The following PLXDC2 variants were observed in gnomAD, a reference collection of about 807,000 sequenced individuals.
PLXDC2 encodes plexin domain containing 2.
PLXDC2 carries 40 observed loss-of-function variants against 68.9 expected under a neutral mutation model. The observed-to-expected ratio is 0.58, with a 90% confidence interval of 0.45 to 0.76. The LOEUF (loss-of-function observed/expected upper bound fraction) is 0.76, where lower values mean the gene tolerates loss of function less well. Ranked by LOEUF, PLXDC2 falls within the 30% of genes least tolerant of loss-of-function variation. PLXDC2 has a pLI of 0.00. For missense variants in PLXDC2, 644 were observed against 661.9 expected, an observed-to-expected ratio of 0.97 and a Z score of 0.30; for synonymous variants, 243 against 234.2, an observed-to-expected ratio of 1.04 and a Z score of -0.34.
intron 7 of PLXDC2, among the ~76,000 whole-genome samples, chr10:20,175,970 C>A (rs955939872): frequency 1.3e-5 from 2 of 152,090 alleles, no homozygotes; most frequent in African/African-American, 4.8e-5. Flanking sequence ...TGACCAAACC[C>A]AGGCGAGCAC....
intron 13 of PLXDC2, among the ~76,000 whole-genome samples, chr10:20,275,655 G>A (rs917788268): frequency 1.3e-5 from 2 of 152,070 alleles, no homozygotes; most frequent in Non-Finnish European, 2.9e-5. Context: ...GCTCACGCCT[G>A]TAATCACAGC....
At chr10:19,929,252 A>G (rs1833589467) in intron 1 of PLXDC2, among the ~76,000 whole-genome samples, 1 of 151,946 alleles carries the variant, frequency 6.6e-6, no homozygotes, top group South Asian at 2.1e-4. Flanking sequence ...AACAACGAAA[A>G]GAACCCACTC....
At chr10:19,984,991 A>G (rs894492155) in intron 1 of PLXDC2, among the ~76,000 whole-genome samples, 1 of 152,168 alleles carries the variant, frequency 6.6e-6, no homozygotes, top group African/African-American at 2.4e-5. Flanking sequence ...AGGAAATTGC[A>G]TTTCTGTTTT....
chr10:20,009,846 C>A (rs1835082114), intron 2 of PLXDC2, among the ~76,000 whole-genome samples: 1 of 151,388 alleles, frequency 6.6e-6, no homozygotes, highest in East Asian at 1.9e-4. Context: ...AACTGCTATA[C>A]AATATTAAAT....
intron 1 of PLXDC2, among the ~76,000 whole-genome samples, chr10:19,859,621 G>T (rs993945520): frequency 6.6e-6 from 1 of 152,156 alleles, no homozygotes; most frequent in Non-Finnish European, 1.5e-5. Flanking sequence ...GCCTTTCCAT[G>T]TGGAAAATGC....
At chr10:20,255,191 G>GATA (rs1554779054) in intron 13 of PLXDC2, among the ~76,000 whole-genome samples, 4,915 of 96,742 alleles carry the variant, frequency 0.051, 97 homozygotes, top group Non-Finnish European at 0.064. Flanking sequence ...ATAGGTGGAT[G>GATA]GATAGATAGA....
intron 5 of PLXDC2, among the ~76,000 whole-genome samples, chr10:20,146,055 C>T: frequency 6.6e-6 from 1 of 152,152 alleles, no homozygotes; most frequent in East Asian, 1.9e-4. Context: ...CGGGTTCATG[C>T]AGATTAATTG....
intron 3 of PLXDC2, among the ~76,000 whole-genome samples, chr10:20,055,001 A>G (rs1045267011): frequency 2.0e-5 from 3 of 152,138 alleles, no homozygotes; most frequent in South Asian, 2.1e-4. Context: ...TCTGGCTTAA[A>G]TATTTTTTTA....
At chr10:20,212,657 T>A (rs1247607837) in intron 10 of PLXDC2, among the ~76,000 whole-genome samples, 1 of 152,174 alleles carries the variant, frequency 6.6e-6, no homozygotes, top group Non-Finnish European at 1.5e-5. Context: ...AGAGACTTTT[T>A]AAAAATTCAT....
chr10:19,817,204 C>A lies in PLXDC2; in HGVS notation c.112+13C>A. On this transcript the variant is annotated intron_variant, in intron 1 of 13. Coordinates refer to ENST00000377252, the MANE Select transcript of PLXDC2 (RefSeq NM_032812.9). The stretch of plus-strand genomic sequence containing the variant: ...GACCAAATCCTTGGTAAGTAAGATG[C>A]ACTTTAGCTTGCTGATTTTGTGCGC... 6.5e-7 allele frequency: 1 copy of A among 1,550,186 alleles called. No homozygotes were observed. The highest frequency in any genetic ancestry group is 8.7e-7 in the Non-Finnish European group (1 of 1,143,322).
intron 6 of PLXDC2, among the ~76,000 whole-genome samples, chr10:20,151,115 T>C (rs1316104421): frequency 6.6e-6 from 1 of 152,218 alleles, no homozygotes; most frequent in Non-Finnish European, 1.5e-5. Flanking sequence ...GTCTACCACT[T>C]TTTGCTTCCC....
chr10:20,108,149 G>T (rs1009900067), intron 4 of PLXDC2, among the ~76,000 whole-genome samples: 2 of 152,074 alleles, frequency 1.3e-5, no homozygotes, highest in African/African-American at 4.8e-5. Context: ...AAATCCGTCG[G>T]CACGGCAAGG....
intron 4 of PLXDC2, among the ~76,000 whole-genome samples, chr10:20,132,635 T>C (rs1833882483): frequency 6.6e-6 from 1 of 152,158 alleles, no homozygotes; most frequent in Non-Finnish European, 1.5e-5. Context: ...TTTTGTCTGA[T>C]ATAGTTACGG....
At chr10:19,856,221 CTATT>C (rs1429957312) in intron 1 of PLXDC2, among the ~76,000 whole-genome samples, 2 of 152,092 alleles carry the variant, frequency 1.3e-5, no homozygotes, top group Non-Finnish European at 2.9e-5. Flanking sequence ...GTTTTGTGAA[CTATT>C]TATTGTTTAC....
At chr10:20,212,050 C>A (rs78134279) in intron 10 of PLXDC2, among the ~76,000 whole-genome samples, 3,862 of 151,902 alleles carry the variant, frequency 0.025, 62 homozygotes, top group Non-Finnish European at 0.032. Context: ...ACTGTCACTA[C>A]CCCCATATTA....
chr10:20,065,786 A>T (rs901494046), intron 3 of PLXDC2, among the ~76,000 whole-genome samples: 6 of 152,214 alleles, frequency 3.9e-5, no homozygotes, highest in African/African-American at 1.2e-4. Flanking sequence ...TAATGCTGCC[A>T]GTGCTGATCT....
intron 4 of PLXDC2, among the ~76,000 whole-genome samples, chr10:20,080,954 A>G (rs1836545850): frequency 6.6e-6 from 1 of 152,196 alleles, no homozygotes; most frequent in Non-Finnish European, 1.5e-5. Context: ...TAAGGGTCAG[A>G]AACTCCTGAG....
intron 2 of PLXDC2, among the ~76,000 whole-genome samples, chr10:20,031,276 AG>A (rs1835497045): frequency 6.6e-6 from 1 of 151,974 alleles, no homozygotes; most frequent in African/African-American, 2.4e-5. Flanking sequence ...AGGCTAAAGT[AG>A]GCGAGCCTCC....
intron 7 of PLXDC2, among the ~76,000 whole-genome samples, chr10:20,164,866 A>T (rs898531854): frequency 9.9e-5 from 15 of 152,128 alleles, no homozygotes; most frequent in African/African-American, 3.6e-4. Context: ...CCCAGGCTGG[A>T]GTGCAGTGGT....
Sources: allele counts gnomAD v4.1 joint callset (sites outside exome capture counted in the v4.1 genomes callset), GRCh38; gene constraint gnomAD v4.1.1; transcripts MANE v1.5; gene names NCBI Gene and HGNC (gene_info 2026-07-23, HGNC 2026-07-21).